CEP128: variants seen among roughly 807,000 people sequenced by gnomAD.
CEP128 encodes centrosomal protein 128.
Under a neutral mutation model 156.7 loss-of-function variants are expected in CEP128, and 132 were observed. The observed-to-expected ratio is 0.84, with a 90% CI of 0.73 to 0.97. The LOEUF is 0.97. Among genes scored for constraint, CEP128 ranks in the 50% least tolerant of loss-of-function variants. The pLI, the probability that CEP128 is intolerant of heterozygous loss-of-function variation, is 0.00. For missense variants in CEP128, 1,252 were observed against 1,281.9 expected, an observed-to-expected ratio of 0.98 and a Z score of 0.36; for synonymous variants, 469 against 448.9, an observed-to-expected ratio of 1.04 and a Z score of -0.57.
chr14:80,649,976 G>C (rs1436152924), intron 19 of CEP128, among the ~76,000 whole-genome samples: 4 of 152,098 alleles, frequency 2.6e-5, no homozygotes, highest in Non-Finnish European at 5.9e-5. Flanking sequence ...GCTGGATGGG[G>C]ATAGCACTGA....
intron 14 of CEP128, among the ~76,000 whole-genome samples, chr14:80,481,211 G>A (rs1030254962): frequency 2.0e-5 from 3 of 152,154 alleles, no homozygotes; most frequent in African/African-American, 7.2e-5. Context: ...GTTCTGCACG[G>A]CTGGGGAGGC....
chr14:80,898,210 GAA>G (rs1395264050), intron 7 of CEP128, among the ~76,000 whole-genome samples: 5 of 152,118 alleles, frequency 3.3e-5, no homozygotes, highest in African/African-American at 1.2e-4. Context: ...TGTCAAAAGT[GAA>G]AAATCAGTAA....
At chr14:80,862,615 T>C (rs955773297) in intron 9 of CEP128, 142 bp downstream of exon 9, 1 of 633,114 alleles carries the variant, frequency 1.6e-6, no homozygotes, top group African/African-American at 1.8e-5. Flanking sequence ...TCTGATTCTA[T>C]ACACTGAACT....
intron 19 of CEP128, among the ~76,000 whole-genome samples, chr14:80,725,249 C>T (rs1897978447): frequency 6.6e-6 from 1 of 150,484 alleles, no homozygotes; most frequent in Admixed American, 6.6e-5. Flanking sequence ...GTGGCACAAT[C>T]TCGGCTCACT....
At chr14:80,558,532 C>G (rs1190059662) in intron 21 of CEP128, among the ~76,000 whole-genome samples, 1 of 152,194 alleles carries the variant, frequency 6.6e-6, no homozygotes, top group African/African-American at 2.4e-5. Context: ...TTGTGATCCA[C>G]CCGCCTCGGC....
chr14:80,777,813 T>C (rs1229972138), intron 16 of CEP128, 69 bp downstream of exon 16: 1 of 1,209,092 alleles, frequency 8.3e-7, no homozygotes, highest in Non-Finnish European at 1.2e-6. Flanking sequence ...TGTTGATATA[T>C]AAAATATTTT....
At chr14:80,736,537 C>T (rs1026555893) in intron 19 of CEP128, among the ~76,000 whole-genome samples, 26 of 152,182 alleles carry the variant, frequency 1.7e-4, no homozygotes, top group African/African-American at 6.0e-4. Flanking sequence ...CACACACACA[C>T]TGTCTCTCCC....
At chr14:80,497,618 G>A (rs1489884915) in intron 24 of CEP128, 36 bp from the exon 25 acceptor site, 1 of 1,421,222 alleles carries the variant, frequency 7.0e-7, no homozygotes, top group South Asian at 1.2e-5. Flanking sequence ...AATAAACCTA[G>A]GTGAATATAA....
At chr14:80,682,958 A>G (rs1896380189) in intron 19 of CEP128, among the ~76,000 whole-genome samples, 1 of 152,096 alleles carries the variant, frequency 6.6e-6, no homozygotes, top group Non-Finnish European at 1.5e-5. Context: ...AAACATGGAA[A>G]CAAAAGAATG....
chr14:80,642,274 T>C (rs1046768126), intron 19 of CEP128, among the ~76,000 whole-genome samples: 3 of 152,088 alleles, frequency 2.0e-5, no homozygotes, highest in African/African-American at 4.8e-5. Flanking sequence ...TCAAGTTTTG[T>C]CCATTAATAA....
chr14:80,485,966 G>A (rs182518415), downstream of CEP128, among the ~76,000 whole-genome samples: 14 of 152,256 alleles, frequency 9.2e-5, no homozygotes. Flanking sequence ...TGAAGACACT[G>A]TAAACACAGT....
intron 13 of CEP128, among the ~76,000 whole-genome samples, chr14:80,822,354 C>T (rs1885232995): frequency 6.6e-6 from 1 of 152,050 alleles, no homozygotes; most frequent in South Asian, 2.1e-4. Context: ...AGAAATTGGC[C>T]AAAACAAAGG....
At chr14:80,610,016 T>C (rs1479419656) in intron 19 of CEP128, among the ~76,000 whole-genome samples, 1 of 152,198 alleles carries the variant, frequency 6.6e-6, no homozygotes, top group Non-Finnish European at 1.5e-5. Context: ...TTGTTTATGA[T>C]TATGCTATGT....
At chr14:80,607,543 G>A (rs1032194070) in intron 19 of CEP128, among the ~76,000 whole-genome samples, 2 of 152,154 alleles carry the variant, frequency 1.3e-5, no homozygotes, top group Non-Finnish European at 2.9e-5. Flanking sequence ...AGTCTTGCAA[G>A]TTCCTTCACC....
chr14:80,899,050 A>G (rs1883376622), intron 7 of CEP128, among the ~76,000 whole-genome samples: 1 of 152,226 alleles, frequency 6.6e-6, no homozygotes, highest in Admixed American at 6.5e-5. Flanking sequence ...CTCAAAGGGT[A>G]GTTACTAGAA....
chr14:80,944,744 C>A (rs1482236407), upstream of CEP128, among the ~76,000 whole-genome samples: 2 of 140,786 alleles, frequency 1.4e-5, no homozygotes, highest in African/African-American at 5.3e-5. Context: ...ACGGCGTAAA[C>A]CCGGAAGGCA....
At chr14:80,897,893 T>C (rs1275260586) in intron 7 of CEP128, among the ~76,000 whole-genome samples, 1 of 152,194 alleles carries the variant, frequency 6.6e-6, no homozygotes, top group Non-Finnish European at 1.5e-5. Flanking sequence ...TCCTCCCACC[T>C]TAGCCTCCCA....
Position 80,900,010 on chromosome 14 carries a change from G to A in CEP128, c.500C>T (p.Ser167Phe). The A allele has an allele frequency of 6.2e-7, 1 of 1,612,104 alleles. No individual in the cohort carries two copies. Among genetic ancestry groups the A allele is most frequent in the Non-Finnish European group, 8.5e-7 (1 of 1,178,784 alleles). The part of the protein sequence containing the change: ...DMTQLHGFHQ[S>F]LRDLSSEQIR... ...TTGTTCACTGCTGAGGTCTCGAAGAGACTGATGAAAACCATGAAGCTAGCA... is the reference window on the plus strand; with the variant it reads ...TTGTTCACTGCTGAGGTCTCGAAGAAACTGATGAAAACCATGAAGCTAGCA... The change falls in exon 7 of 25, where the codon TCT (serine) becomes TTT (phenylalanine). Residue 167 changes from serine to phenylalanine, a missense_variant. Ser to Phe is a radical substitution (Grantham distance 155). Coordinates refer to ENST00000555265, the MANE Select transcript of CEP128 (RefSeq NM_152446.5).
intron 14 of CEP128, among the ~76,000 whole-genome samples, chr14:80,786,776 T>C (rs1901429713): frequency 6.6e-6 from 1 of 152,080 alleles, no homozygotes. Flanking sequence ...GAGGAGGTAT[T>C]AGGGTCTCAG....
Sources: gnomAD v4.1 joint callset for allele counts (sites outside exome capture counted in the v4.1 genomes callset) on GRCh38, gnomAD v4.1.1 for gene constraint, MANE v1.5 for transcripts, NCBI Gene and HGNC (gene_info 2026-07-23, HGNC 2026-07-21) for gene names.